The following COG5 variants were observed in gnomAD, a reference collection of about 807,000 sequenced individuals.
The protein encoded by COG5 is conserved oligomeric Golgi complex subunit 5.
Under a neutral mutation model 110.4 loss-of-function variants are expected in COG5, and 86 were observed. The ratio of observed to expected loss-of-function variants is 0.78; its 90% CI spans 0.65 to 0.93. The LOEUF (loss-of-function observed/expected upper bound fraction) is 0.93. COG5 is among the 40% of genes least tolerant of loss of function. The pLI is 0.00. For synonymous variants in COG5, 360 were observed against 334.6 expected (o/e 1.08, Z -0.83); for missense variants, 1,077 against 987.0 (o/e 1.09, Z -1.22).
intron 12 of COG5, among the ~76,000 whole-genome samples, chr7:107,295,748 CT>C (rs1372499836): frequency 1.3e-5 from 2 of 152,016 alleles, no homozygotes; most frequent in African/African-American, 4.8e-5. Context: ...AACACAGTAG[CT>C]TTTTTTACTC....
intron 21 of COG5, among the ~76,000 whole-genome samples, chr7:107,204,563 T>G (rs1433544333): frequency 6.6e-6 from 1 of 152,260 alleles, no homozygotes; most frequent in Non-Finnish European, 1.5e-5. Flanking sequence ...TATAAAGATG[T>G]AAGTTAATAC....
chr7:107,242,830 A>ACATG (rs1357167669), intron 17 of COG5, among the ~76,000 whole-genome samples: 1 of 152,112 alleles, frequency 6.6e-6, no homozygotes, highest in Non-Finnish European at 1.5e-5. Context: ...GTGAGTGCTA[A>ACATG]CATGCATCTG....
chr7:107,366,445 A>AAAT (rs1295888174), intron 8 of COG5, among the ~76,000 whole-genome samples: 286 of 152,306 alleles, frequency 1.9e-3, no homozygotes, highest in African/African-American at 6.5e-3. Context: ...CAAATGGAAC[A>AAAT]GGAAAACATT....
chr7:107,208,195 A>T, intron 21 of COG5: 2 of 985,378 alleles, frequency 2.0e-6, no homozygotes, highest in Non-Finnish European at 2.4e-6. Flanking sequence ...GGACAGCTCA[A>T]TTTTTTGCTA....
chr7:107,229,285 C>G (rs941469406), intron 19 of COG5, among the ~76,000 whole-genome samples: 1 of 152,072 alleles, frequency 6.6e-6, no homozygotes, highest in Non-Finnish European at 1.5e-5. Flanking sequence ...ACCGTCTATA[C>G]TAAAAATACA....
chr7:107,301,935 G>C (rs1341958068), intron 11 of COG5, among the ~76,000 whole-genome samples: 2 of 152,104 alleles, frequency 1.3e-5, no homozygotes, highest in East Asian at 3.9e-4. Context: ...ATAGCTTGTG[G>C]AGATAAAAAA....
At chr7:107,418,582 G>C (rs1340598389) in intron 6 of COG5, among the ~76,000 whole-genome samples, 1 of 134,162 alleles carries the variant, frequency 7.5e-6, no homozygotes, top group African/African-American at 2.7e-5. Flanking sequence ...TCCACACACA[G>C]ACACATAAAC....
At chr7:107,480,542 G>A (rs1797280115) in intron 6 of COG5, among the ~76,000 whole-genome samples, 1 of 151,978 alleles carries the variant, frequency 6.6e-6, no homozygotes, top group South Asian at 2.1e-4. Flanking sequence ...GCTGGAAAAA[G>A]ACCTAAAATA....
At chr7:107,207,571 TAC>T (rs1458110635) in intron 21 of COG5, among the ~76,000 whole-genome samples, 7 of 152,236 alleles carry the variant, frequency 4.6e-5, no homozygotes, top group Non-Finnish European at 7.3e-5. Flanking sequence ...CCACCGCTGT[TAC>T]AGAGCTTGAG....
At chr7:107,279,095 AAAAC>A (rs1453618571) in intron 14 of COG5, among the ~76,000 whole-genome samples, 3 of 152,198 alleles carry the variant, frequency 2.0e-5, no homozygotes, top group South Asian at 2.1e-4. Flanking sequence ...TTACAAGAGA[AAAAC>A]AAACAACCCC....
At chr7:107,375,093 T>C (rs1187282855) in intron 7 of COG5, among the ~76,000 whole-genome samples, 1 of 152,084 alleles carries the variant, frequency 6.6e-6, no homozygotes, top group Non-Finnish European at 1.5e-5. Flanking sequence ...TATTCTGTTT[T>C]TGAATTTCAC....
intron 6 of COG5, among the ~76,000 whole-genome samples, chr7:107,463,207 T>C (rs1796105405): frequency 6.6e-6 from 1 of 152,188 alleles, no homozygotes; most frequent in South Asian, 2.1e-4. Context: ...AAGGGGTAGG[T>C]TCTACTTCAT....
chr7:107,434,692 T>C (rs184700525), intron 6 of COG5, among the ~76,000 whole-genome samples: 128 of 152,254 alleles, frequency 8.4e-4, no homozygotes, highest in South Asian at 1.5e-3. Flanking sequence ...CAAAATTGGC[T>C]GGGCGCGGTG....
At chr7:107,253,169 T>C (rs141831745) in intron 16 of COG5, 20 of 152,248 alleles carry the variant, frequency 1.3e-4, no homozygotes, top group East Asian at 1.2e-3. Context: ...GTGGTTTACA[T>C]AGAAAACTTT....
chr7:107,392,381 T>C (rs1790682815), intron 7 of COG5, among the ~76,000 whole-genome samples: 1 of 152,318 alleles, frequency 6.6e-6, no homozygotes, highest in Middle Eastern at 3.4e-3. Context: ...ACATAGTTGC[T>C]ATCATTTCCT....
rs760555445 is a variant in COG5, at chr7:107,316,657, C to CAA, written c.1108+7781_1108+7782dup. 8.8e-3 allele frequency among the ~76,000 whole-genome samples: 664 copies of CAA among 75,868 alleles called. 11 individuals carry two copies. Among genetic ancestry groups the CAA allele is most frequent in the East Asian group, 0.031 (81 of 2,630 alleles). The allele number at this position is 75,868 out of a possible 152,430, so 49.8% of individuals were successfully genotyped here. ...TGAAACTCAGTCTCTACTAAAAATACAAAAAAAAAAAAAAAAAAAAAAAAA... is the reference window on the plus strand; with the variant it reads ...TGAAACTCAGTCTCTACTAAAAATACAAAAAAAAAAAAAAAAAAAAAAAAAAA... On this transcript the variant is annotated intron_variant, in intron 11 of 21. Coordinates refer to ENST00000297135, the MANE Select transcript of COG5 (RefSeq NM_006348.5).
intron 6 of COG5, among the ~76,000 whole-genome samples, chr7:107,466,537 A>G (rs776480768): frequency 5.9e-5 from 9 of 152,186 alleles, no homozygotes; most frequent in Admixed American, 6.5e-5. Flanking sequence ...ATCAAATATA[A>G]TCAGTATTCA....
chr7:107,379,130 GA>G (rs1398470072), intron 7 of COG5, among the ~76,000 whole-genome samples: 4 of 152,182 alleles, frequency 2.6e-5, no homozygotes, highest in Admixed American at 2.6e-4. Flanking sequence ...CATTCTTAAA[GA>G]AAAGAATTTT....
chr7:107,463,564 C>T (rs1163714774), intron 6 of COG5, among the ~76,000 whole-genome samples: 1 of 152,152 alleles, frequency 6.6e-6, no homozygotes, highest in African/African-American at 2.4e-5. Flanking sequence ...ATACATTTAG[C>T]AGAGGAACCC....
Sources: gnomAD v4.1 joint callset for allele counts (sites outside exome capture counted in the v4.1 genomes callset) on GRCh38, gnomAD v4.1.1 for gene constraint, MANE v1.5 for transcripts, NCBI Gene and HGNC (gene_info 2026-07-23, HGNC 2026-07-21) for gene names.